The following DNAH12 variants were observed in gnomAD, a reference collection of about 807,000 sequenced individuals.
DNAH12 encodes the protein axonemal beta dynein heavy chain 12.
Under a neutral mutation model 371.5 loss-of-function variants are expected in DNAH12, and 285 were observed. The ratio of observed to expected loss-of-function variants is 0.77; its 90% CI spans 0.70 to 0.85. DNAH12 has a LOEUF of 0.85. Among genes scored for constraint, DNAH12 ranks in the 40% least tolerant of loss-of-function variants. The pLI, the probability that DNAH12 is intolerant of heterozygous loss-of-function variation, is 0.00. For synonymous variants in DNAH12, 1,200 were observed against 1,213.0 expected, an observed-to-expected ratio of 0.99 and a Z score of 0.22; for missense variants, 3,611 against 3,689.4, an observed-to-expected ratio of 0.98 and a Z score of 0.55.
chr3:57,546,061 A>G (rs772999762), upstream of DNAH12, among the ~76,000 whole-genome samples: 8 of 152,006 alleles, frequency 5.3e-5, no homozygotes, highest in Non-Finnish European at 1.0e-4. Flanking sequence ...CTTTCTCTTC[A>G]GTTCCTGATA....
At chr3:57,411,817 A>G (rs896371134) in intron 39 of DNAH12, among the ~76,000 whole-genome samples, 1 of 152,154 alleles carries the variant, frequency 6.6e-6, no homozygotes, top group Non-Finnish European at 1.5e-5. Flanking sequence ...TTTTTTGGAT[A>G]TTGAGAAACT....
chr3:57,499,645 AAAATAT>A (rs1487391660), intron 11 of DNAH12, among the ~76,000 whole-genome samples: 23 of 23,368 alleles, frequency 9.8e-4, no homozygotes, highest in South Asian at 2.1e-3. Flanking sequence ...AAAAAAAAAA[AAAATAT>A]ATATATATAT....
intron 12 of DNAH12, among the ~76,000 whole-genome samples, chr3:57,485,180 G>A (rs1488064133): frequency 6.6e-6 from 1 of 152,088 alleles, no homozygotes; most frequent in Non-Finnish European, 1.5e-5. Flanking sequence ...CCCACTACTA[G>A]GTATCTACCC....
chr3:57,384,565 G>C (rs2063462929), intron 49 of DNAH12, among the ~76,000 whole-genome samples: 1 of 152,052 alleles, frequency 6.6e-6, no homozygotes, highest in Admixed American at 6.6e-5. Context: ...AATCATTTGA[G>C]CCCAGGAGAT....
chr3:57,399,586 T>C lies in DNAH12; in HGVS notation c.6948+3723A>G, dbSNP rs1009311045. Among the ~76,000 whole-genome samples, 5 of 152,166 alleles carry C rather than the reference T, an allele frequency of 3.3e-5. No homozygotes were observed. The East Asian group carries it at 9.6e-4, about 29-fold the overall frequency. ...CACAAGAAAGGATATTACATAATGATAAAAGGGTCAATTTACCAGGAAGAT... is the reference window on the plus strand; with the variant it reads ...CACAAGAAAGGATATTACATAATGACAAAAGGGTCAATTTACCAGGAAGAT... On this transcript the variant is annotated intron_variant, in intron 43 of 73. Transcript: ENST00000495027.
rs2067597166 is a variant in DNAH12 at position 57,502,693 on chromosome 3, G to A, written c.1087-214C>T. Among the ~76,000 whole-genome samples, 8 of 152,258 alleles carry A rather than the reference G, an allele frequency of 5.3e-5. No individual in the cohort carries two copies. The South Asian group carries it at 1.7e-3, about 32-fold the overall frequency. ...GCCTCCTGAGTAGCTAGGATTACAG[G>A]CGCACGCCACCACGCCCAGCTAATT... On this transcript the variant is annotated intron_variant, in intron 9 of 73. Transcript: ENST00000495027.
At chr3:57,482,579 C>A (rs1266548241) in intron 13 of DNAH12, among the ~76,000 whole-genome samples, 17 of 152,028 alleles carry the variant, frequency 1.1e-4, no homozygotes, top group Non-Finnish European at 5.9e-5. Flanking sequence ...TGGGTATATA[C>A]CCAAAGGATT....
In DNAH12 at chr3:57,306,397, T is replaced by G. The variant is rs546362303; in HGVS notation, c.11189+2754A>C. ...GGTGCCAACTTAGACAATACTCTTT[T>G]AAGCACTCCTTTTTAGTTATCCCCA... On this transcript the variant is annotated intron_variant, in intron 69 of 73. Coordinates refer to ENST00000495027, the MANE Select transcript of DNAH12 (RefSeq NM_001366028.2). Among the ~76,000 whole-genome samples, 3 of 152,250 alleles carry G rather than the reference T, an allele frequency of 2.0e-5. No individual in the cohort carries two copies. In the East Asian group the frequency reaches 5.8e-4, roughly 29 times the overall value.
chr3:57,411,165 G>C (rs1015085204), intron 39 of DNAH12, among the ~76,000 whole-genome samples: 5 of 152,132 alleles, frequency 3.3e-5, no homozygotes, highest in African/African-American at 1.2e-4. Flanking sequence ...AGCTTGTAAA[G>C]AGTTACCATG....
intron 25 of DNAH12, among the ~76,000 whole-genome samples, chr3:57,447,531 A>G (rs1453381515): frequency 2.0e-5 from 3 of 152,204 alleles, no homozygotes; most frequent in African/African-American, 7.2e-5. Context: ...TTTTGCTATG[A>G]ACCTAGAACT....
intron 59 of DNAH12, among the ~76,000 whole-genome samples, chr3:57,356,868 G>A (rs2062813325): frequency 2.0e-5 from 3 of 151,902 alleles, no homozygotes; most frequent in East Asian, 1.9e-4. Context: ...TCAGCCTCCT[G>A]AGTAGCTGGG....
intron 25 of DNAH12, among the ~76,000 whole-genome samples, chr3:57,450,266 T>TAAAAAAAAA (rs2065719748): frequency 4.6e-5 from 2 of 43,700 alleles, no homozygotes; most frequent in East Asian, 4.9e-4. Context: ...AAAAAAAAGG[T>TAAAAAAAAA]GGCCCAGTGA....
intron 60 of DNAH12, among the ~76,000 whole-genome samples, chr3:57,339,079 C>G (rs568586457): frequency 2.0e-5 from 3 of 152,162 alleles, no homozygotes; most frequent in Non-Finnish European, 4.4e-5. Context: ...AACCTTACCC[C>G]CAACCCCGTG....
At chr3:57,402,388 G>A (rs1553679214) in intron 43 of DNAH12, 8 of 1,304,620 alleles carry the variant, frequency 6.1e-6, no homozygotes, top group Middle Eastern at 2.1e-4. Context: ...CCCCAAGTAT[G>A]CACTCCACTA....
chr3:57,436,109 C>T (rs2153367207), intron 30 of DNAH12, among the ~76,000 whole-genome samples: 1 of 151,938 alleles, frequency 6.6e-6, no homozygotes, highest in East Asian at 1.9e-4. Flanking sequence ...TGGAAAGCCC[C>T]TCTCAGGTAG....
At chr3:57,355,968 T>G (rs991042408) in intron 59 of DNAH12, among the ~76,000 whole-genome samples, 1 of 152,194 alleles carries the variant, frequency 6.6e-6, no homozygotes, top group Non-Finnish European at 1.5e-5. Flanking sequence ...AAGGTAGGTA[T>G]TATTATTATC....
At chr3:57,454,503 T>C (rs913244870) in intron 23 of DNAH12, among the ~76,000 whole-genome samples, 7 of 150,848 alleles carry the variant, frequency 4.6e-5, no homozygotes, top group Non-Finnish European at 7.4e-5. Context: ...AAATGAATAG[T>C]TGTAATTTTA....
intron 25 of DNAH12, among the ~76,000 whole-genome samples, chr3:57,448,370 G>C (rs115930447): frequency 1.3e-5 from 2 of 151,830 alleles, no homozygotes; most frequent in African/African-American, 2.4e-5. Context: ...TGGTGGGCTC[G>C]TGCTCTCACT....
At chr3:57,546,889 T>C (rs2069583451), upstream of DNAH12, among the ~76,000 whole-genome samples, 1 of 152,142 alleles carries the variant, frequency 6.6e-6, no homozygotes, top group African/African-American at 2.4e-5. Flanking sequence ...GGATCAACCC[T>C]GTAATCCCAG....
Sources: gnomAD v4.1 joint callset for allele counts (sites outside exome capture counted in the v4.1 genomes callset) on GRCh38, gnomAD v4.1.1 for gene constraint, MANE v1.5 for transcripts, NCBI Gene and HGNC (gene_info 2026-07-23, HGNC 2026-07-21) for gene names.